Variants in MTDH observed in about 807,000 individuals in gnomAD.
The protein encoded by MTDH is protein LYRIC.
MTDH carries 34 observed loss-of-function variants against 72.7 expected under a neutral mutation model. The observed-to-expected ratio is 0.47, with a 90% confidence interval of 0.36 to 0.62. The LOEUF (loss-of-function observed/expected upper bound fraction) is 0.62, where lower values mean the gene tolerates loss of function less well. Among genes scored for constraint, MTDH ranks in the 20% least tolerant of loss-of-function variants. The probability of loss-of-function intolerance (pLI) is 0.00; values close to 1 mark genes in which losing one functional copy is unlikely to be tolerated. For missense variants in MTDH, 677 were observed against 699.4 expected, an observed-to-expected ratio of 0.97 and a Z score of 0.36; for synonymous variants, 266 against 268.9, an observed-to-expected ratio of 0.99 and a Z score of 0.10.
chr8:97,655,624 A>G (rs1811941952), intron 1 of MTDH, among the ~76,000 whole-genome samples: 1 of 152,196 alleles, frequency 6.6e-6, no homozygotes, highest in South Asian at 2.1e-4. Flanking sequence ...GAACGTGGGA[A>G]TAAAGGGCAT....
intron 6 of MTDH, 102 bp from the exon 7 acceptor site, chr8:97,699,652 A>ATAT (rs1814020508): frequency 1.4e-6 from 1 of 718,164 alleles, no homozygotes; most frequent in Non-Finnish European, 2.3e-6. Context: ...TTTAGGAGAA[A>ATAT]TTTTAAAAAT....
At chr8:97,650,810 A>C (rs977386806) in intron 1 of MTDH, among the ~76,000 whole-genome samples, 7 of 151,506 alleles carry the variant, frequency 4.6e-5, no homozygotes, top group African/African-American at 1.7e-4. Context: ...GCTCTCTGCA[A>C]CCTCCGCCTC....
chr8:97,677,962 A>G (rs994657164), intron 2 of MTDH, among the ~76,000 whole-genome samples: 2 of 152,244 alleles, frequency 1.3e-5, no homozygotes, highest in Non-Finnish European at 1.5e-5. Context: ...GCAAAAAACA[A>G]TATTACAGCC....
At chr8:97,693,455 T>C (rs577128763) in intron 6 of MTDH, among the ~76,000 whole-genome samples, 1 of 152,240 alleles carries the variant, frequency 6.6e-6, no homozygotes, top group South Asian at 2.1e-4. Context: ...TGCCTCAGCC[T>C]CCTAAGTAGC....
At chr8:97,723,091 G>A (rs1171295860) in intron 11 of MTDH, 56 bp downstream of exon 11, 1 of 1,555,668 alleles carries the variant, frequency 6.4e-7, no homozygotes, top group African/African-American at 1.4e-5. Context: ...CATGTGTTAA[G>A]GTTCTGATCT....
chr8:97,650,443 T>G lies in MTDH; in HGVS notation c.381+5556T>G, dbSNP rs1326428424. 3.3e-5 allele frequency among the ~76,000 whole-genome samples: 5 copies of G among 151,308 alleles called. No homozygotes were observed. The East Asian group carries it at 9.9e-4, about 30-fold the overall frequency. Reference sequence around the variant, plus strand: ...ACGCACACCACCATGCCCAGCTAATTTTTGAATTTTTTGTAGAGATGGCGT... The same window carrying G: ...ACGCACACCACCATGCCCAGCTAATGTTTGAATTTTTTGTAGAGATGGCGT... On this transcript the variant is annotated intron_variant, in intron 1 of 11. Transcript: ENST00000336273.
At chr8:97,669,674 T>C (rs886840175) in intron 2 of MTDH, among the ~76,000 whole-genome samples, 2 of 151,886 alleles carry the variant, frequency 1.3e-5, no homozygotes, top group African/African-American at 4.8e-5. Flanking sequence ...CCCAGCACTT[T>C]GGGAGGCCGA....
chr8:97,665,721 G>A (rs1812355099), intron 2 of MTDH, among the ~76,000 whole-genome samples: 1 of 152,170 alleles, frequency 6.6e-6, no homozygotes, highest in Non-Finnish European at 1.5e-5. Flanking sequence ...GACATAAGGG[G>A]AAGCCTTAGA....
chr8:97,716,445 C>CT (rs1322461835), intron 9 of MTDH, among the ~76,000 whole-genome samples: 2 of 151,010 alleles, frequency 1.3e-5, no homozygotes, highest in African/African-American at 4.9e-5. Flanking sequence ...AATCCCAGCA[C>CT]CTGTGAGGCC....
At chr8:97,717,244 C>G (rs1814912037) in intron 9 of MTDH, among the ~76,000 whole-genome samples, 1 of 152,182 alleles carries the variant, frequency 6.6e-6, no homozygotes, top group Non-Finnish European at 1.5e-5. Context: ...TTAAGATCAT[C>G]TTAGCCATTT....
chr8:97,652,893 G>A (rs997297183), intron 1 of MTDH, among the ~76,000 whole-genome samples: 5 of 151,832 alleles, frequency 3.3e-5, no homozygotes, highest in African/African-American at 1.2e-4. Context: ...CAGTACTTCG[G>A]GCGGACCACC....
chr8:97,665,334 T>G lies in MTDH; in HGVS notation c.483+4161T>G, dbSNP rs148015875. ...TGCTATAGTTTTCTAGGTCCTTATT[T>G]GGGTTTGAAAGTCAGTGTTTCATTA... On this transcript the variant is annotated intron_variant, in intron 2 of 11. Coordinates refer to ENST00000336273, the MANE Select transcript of MTDH (RefSeq NM_178812.4). 3.4e-4 allele frequency among the ~76,000 whole-genome samples: 52 copies of G among 152,302 alleles called. No homozygotes were observed. In the East Asian group the frequency reaches 9.1e-3, roughly 27 times the overall value.
In MTDH at chr8:97,673,253, G is replaced by T. The variant is rs186595062; in HGVS notation, c.483+12080G>T. ...GAAAACAATTAGGCCAGGCATGGTG[G>T]CTCACATCTGTAATCCCAGCACTTC... On this transcript the variant is annotated intron_variant, in intron 2 of 11. Transcript: ENST00000336273. 2.7e-3 allele frequency among the ~76,000 whole-genome samples: 418 copies of T among 152,286 alleles called. 2 individuals are homozygous for T. Among genetic ancestry groups the T allele is most frequent in the Non-Finnish European group, 4.2e-3 (288 of 68,030 alleles).
At chr8:97,708,535 G>A (rs1814467971) in intron 8 of MTDH, among the ~76,000 whole-genome samples, 1 of 116,414 alleles carries the variant, frequency 8.6e-6, no homozygotes, top group Admixed American at 9.5e-5. Flanking sequence ...ACCCACCTCG[G>A]CCTCCCAAAG....
rs769945549 is a variant in MTDH at position 97,719,183 on chromosome 8, T to G, written c.1515T>G (p.Asn505Lys). 1 of 1,609,896 alleles carries G rather than the reference T, an allele frequency of 6.2e-7. No individual in the cohort carries two copies. ...ATCCAGCCGAAGTACTCGTCAAAAATAGCCAGGTAATTTTTAAGAATAATA... is the reference window on the plus strand; with the variant it reads ...ATCCAGCCGAAGTACTCGTCAAAAAGAGCCAGGTAATTTTTAAGAATAATA... The part of the protein sequence containing the change: ...TSDPAEVLVK[N>K]SQPIKTLPPA... Residue 505 changes from asparagine to lysine, a missense_variant, in exon 10 of 12, where the codon AAT becomes AAG. Physicochemically the swap from Asn to Lys is moderately conservative, Grantham distance 94 (BLOSUM62 0). Transcript: ENST00000336273.
intron 1 of MTDH, among the ~76,000 whole-genome samples, chr8:97,648,927 CTT>C (rs34207029): frequency 0.2 from 30,356 of 152,080 alleles, 3,293 homozygotes; most frequent in East Asian, 0.33. Flanking sequence ...CCCTTTTTCT[CTT>C]TAAGTGGAAA....
At chr8:97,691,625 T>G (rs989127620) in intron 6 of MTDH, among the ~76,000 whole-genome samples, 9 of 152,194 alleles carry the variant, frequency 5.9e-5, no homozygotes, top group African/African-American at 1.4e-4. Context: ...GATTTTAATA[T>G]AAAGACCAGT....
At chr8:97,716,911 G>A (rs1814895778) in intron 9 of MTDH, among the ~76,000 whole-genome samples, 1 of 151,972 alleles carries the variant, frequency 6.6e-6, no homozygotes, top group African/African-American at 2.4e-5. Flanking sequence ...AAACTCCTGG[G>A]CTCAAACAGT....
rs568597663 is a variant in MTDH at position 97,724,096 on chromosome 8, A to G, written c.1679-504A>G. 2.0e-5 allele frequency among the ~76,000 whole-genome samples: 3 copies of G among 152,310 alleles called. No individual in the cohort carries two copies. In the East Asian group the frequency reaches 5.8e-4, roughly 29 times the overall value. ...TGCACTCCAGCCTGGGTGACAGAGC[A>G]AGACTCAATAAATAAATGATCAATC... On this transcript the variant is annotated intron_variant, in intron 11 of 11. Transcript: ENST00000336273.
Sources: allele counts gnomAD v4.1 joint callset (sites outside exome capture counted in the v4.1 genomes callset), GRCh38; gene constraint gnomAD v4.1.1; transcripts MANE v1.5; gene names NCBI Gene and HGNC (gene_info 2026-07-23, HGNC 2026-07-21).